Variants in FOXK1 observed in about 807,000 individuals in gnomAD.
FOXK1 encodes forkhead box K1, also known as forkhead box protein K1.
In FOXK1, 19 loss-of-function variants were observed where a neutral mutation model predicts 51.9. The ratio of observed to expected loss-of-function variants is 0.37; its 90% CI spans 0.26 to 0.54. The LOEUF is 0.54. FOXK1 is among the 20% of genes least tolerant of loss of function. The pLI, the probability that FOXK1 is intolerant of heterozygous loss-of-function variation, is 0.87. For missense variants in FOXK1, 870 were observed against 1,032.7 expected (o/e 0.84, Z 2.16); for synonymous variants, 537 against 482.6 (o/e 1.11, Z -1.48).
chr7:4,749,338 C>G lies in FOXK1; in HGVS notation c.747-5121C>G, dbSNP rs756813285. 2.6e-5 allele frequency among the ~76,000 whole-genome samples: 4 copies of G among 152,292 alleles called. No homozygotes were observed. Among genetic ancestry groups the G allele is most frequent in the Middle Eastern group, 3.4e-3 (1 of 294 alleles). Reference sequence around the variant, plus strand: ...ATGTTCCACCTGGTAGAAGCTTCCTCAAACCACAGATGTGCCTTGGCCGGC... The same window carrying G: ...ATGTTCCACCTGGTAGAAGCTTCCTGAAACCACAGATGTGCCTTGGCCGGC... On this transcript the variant is annotated intron_variant, in intron 2 of 8. Transcript: ENST00000328914. This position sits in a 1 kb window ranked among gnomAD's most constrained non-coding sequence, Gnocchi z 6.0.
Position 4,759,157 on chromosome 7 carries a change from C to T in FOXK1, c.1351C>T (p.Pro451Ser), listed in dbSNP as rs375956939. ...SREGSPIPHD[P>S]EFGSKLASVP... ...GGAGGGCTCCCCCATTCCACACGACCCTGAGTTTGGGTCCAAGTTAGCTTC... is the reference window on the plus strand; with the variant it reads ...GGAGGGCTCCCCCATTCCACACGACTCTGAGTTTGGGTCCAAGTTAGCTTC... The change falls in exon 6 of 9, where the codon CCT becomes TCT. Residue 451 changes from proline to serine, a missense_variant. Around this residue, in one of 3 missense-constraint regions of FOXK1, gnomAD observed 457 missense variants for 510.8 expected, o/e 0.89. Coordinates refer to ENST00000328914, the MANE Select transcript of FOXK1 (RefSeq NM_001037165.2). 28 of 1,612,752 alleles carry T rather than the reference C, an allele frequency of 1.7e-5. No homozygotes were observed. The highest frequency in any genetic ancestry group is 2.4e-5 in the Non-Finnish European group (28 of 1,179,902).
At chr7:4,705,548 T>TCG (rs879336654) in intron 1 of FOXK1, among the ~76,000 whole-genome samples, 1,452 of 140,084 alleles carry the variant, frequency 0.01, 7 homozygotes, top group South Asian at 0.021. Flanking sequence ...TCTCTCTCTC[T>TCG]CTCTCTCTCT....
chr7:4,722,867 G>C lies in FOXK1; in HGVS notation c.561-17971G>C, dbSNP rs890986139. ...CTCTCTCGTTTGGGCTCCGGTTCCC[G>C]CAGAATTGGCATCCAGGTGAGGTGC... On this transcript the variant is annotated intron_variant, in intron 1 of 8. Coordinates refer to ENST00000328914, the MANE Select transcript of FOXK1 (RefSeq NM_001037165.2). This position sits in a 1 kb window ranked among gnomAD's most constrained non-coding sequence, Gnocchi z 5.1. 1.3e-5 allele frequency among the ~76,000 whole-genome samples: 2 copies of C among 152,076 alleles called. No individual in the cohort carries two copies. Among genetic ancestry groups the C allele is most frequent in the Non-Finnish European group, 2.9e-5 (2 of 68,014 alleles).
chr7:4,694,045 A>G (rs1393276308), intron 1 of FOXK1, among the ~76,000 whole-genome samples: 1 of 151,404 alleles, frequency 6.6e-6, no homozygotes, highest in Non-Finnish European at 1.5e-5. Context: ...ATGCCTGGCT[A>G]ATTTTCTTTT....
intron 1 of FOXK1, among the ~76,000 whole-genome samples, chr7:4,713,170 A>T (rs1780195136): frequency 6.6e-6 from 1 of 152,206 alleles, no homozygotes; most frequent in South Asian, 2.1e-4. Flanking sequence ...TTACATTTTG[A>T]AATAGTCAAC....
At chr7:4,692,709 CG>C (rs1779908124) in intron 1 of FOXK1, among the ~76,000 whole-genome samples, 1 of 151,990 alleles carries the variant, frequency 6.6e-6, no homozygotes, top group South Asian at 2.1e-4. Flanking sequence ...CCACCGCACC[CG>C]GCTGGGTAGT....
At chr7:4,746,287 GT>G (rs1780701124) in intron 2 of FOXK1, among the ~76,000 whole-genome samples, 1 of 152,188 alleles carries the variant, frequency 6.6e-6, no homozygotes, top group Non-Finnish European at 1.5e-5. Flanking sequence ...CTTGGTTTAT[GT>G]TGTTTTGTAA....
At chr7:4,744,241 G>A (rs553185530) in intron 2 of FOXK1, among the ~76,000 whole-genome samples, 7 of 152,246 alleles carry the variant, frequency 4.6e-5, no homozygotes, top group South Asian at 2.1e-4. Flanking sequence ...TTTAAATTAC[G>A]GCAGGGAAAA....
chr7:4,766,853 G>C lies in FOXK1; in HGVS notation c.*4389G>C, dbSNP rs114220527. On this transcript the variant is annotated 3_prime_UTR_variant, in exon 9 of 9. Coordinates refer to ENST00000328914, the MANE Select transcript of FOXK1 (RefSeq NM_001037165.2). The surrounding 1 kb of genome is among the most constrained non-coding windows in gnomAD (Gnocchi z 5.5). ...GAGCTGGGACTCTCCAGAAAGCCCC[G>C]GGTGAGGGCTCCGTCTTGAGAGAGA... 1 of 152,290 alleles carries C rather than the reference G, an allele frequency of 6.6e-6. No individual in the cohort carries two copies. The highest frequency in any genetic ancestry group is 2.4e-5 in the African/African-American group (1 of 41,524). 9.4% of individuals were successfully genotyped at this position (152,290 alleles called of 1,614,324 possible). A position where few individuals can be genotyped will look rare whatever the true frequency, so the allele number is the denominator to read the frequency against.
rs1321694904 is a variant in FOXK1, at chr7:4,755,664, G to C, written c.1050+281G>C. Among the ~76,000 whole-genome samples the C allele has an allele frequency of 6.6e-6, 1 of 152,214 alleles. No individual in the cohort carries two copies. The highest frequency in any genetic ancestry group is 1.5e-5 in the Non-Finnish European group (1 of 68,044). On this transcript the variant is annotated intron_variant, in intron 4 of 8. Transcript: ENST00000328914. The surrounding 1 kb of genome is among the most constrained non-coding windows in gnomAD (Gnocchi z 6.6). ...GAGGATCACTTGAGCCCAGGAGGTG[G>C]AGGCTGCAGTGAGCTATGATCACAC...
chr7:4,702,969 G>A (rs559395543), intron 1 of FOXK1, among the ~76,000 whole-genome samples: 17 of 152,232 alleles, frequency 1.1e-4, no homozygotes, highest in Admixed American at 2.6e-4. Context: ...CCAGGGCTGC[G>A]TGTCCTGCTC....
In FOXK1 at chr7:4,682,935, C is replaced by T. The variant is rs1779771010; in HGVS notation, c.560+67C>T. The T allele has an allele frequency of 1.5e-6, 2 of 1,372,238 alleles. No homozygotes were observed. Among genetic ancestry groups the T allele is most frequent in the African/African-American group, 1.5e-5 (1 of 66,336 alleles). 85.0% of individuals were successfully genotyped at this position (1,372,238 alleles called of 1,614,324 possible). On this transcript the variant is annotated intron_variant, in intron 1 of 8. Transcript: ENST00000328914. The surrounding 1 kb of genome is among the most constrained non-coding windows in gnomAD (Gnocchi z 7.6). ...GCCCACGACCTCGATCTCTGAGGCC[C>T]GGGCCTGGGGATCCCCCTCCAGCTT... is the stretch of plus-strand genomic sequence containing the variant.
rs1200964768 is a variant in FOXK1 at position 4,698,662 on chromosome 7, C to T, written c.560+15794C>T. The stretch of plus-strand genomic sequence containing the variant: ...CGACCTCCCAGGCTCAAGTGATCCT[C>T]CCACCTCAGCCTCCTGAGTGGCTGG... On this transcript the variant is annotated intron_variant, in intron 1 of 8. Transcript: ENST00000328914. Among the ~76,000 whole-genome samples, 4 of 152,264 alleles carry T rather than the reference C, an allele frequency of 2.6e-5. No individual in the cohort carries two copies. The East Asian group carries it at 7.7e-4, about 29-fold the overall frequency.
chr7:4,716,120 C>G (rs537368084), intron 1 of FOXK1, among the ~76,000 whole-genome samples: 17 of 151,814 alleles, frequency 1.1e-4, no homozygotes, highest in African/African-American at 4.1e-4. Flanking sequence ...ACCTGGGAGG[C>G]TGAGGCAGGA....
Position 4,754,062 on chromosome 7 carries a change from C to T in FOXK1, c.747-397C>T, listed in dbSNP as rs150652477. Among the ~76,000 whole-genome samples the T allele has an allele frequency of 1.1e-3, 170 of 152,316 alleles. 2 individuals carry two copies. The highest frequency in any genetic ancestry group is 0.011 in the Admixed American group (164 of 15,300). ...GGGCCCGAGCCTTTTCCCACAGCGCCGCCTTGTGGACACCTGTGCAGGAGC... is the reference window on the plus strand; with the variant it reads ...GGGCCCGAGCCTTTTCCCACAGCGCTGCCTTGTGGACACCTGTGCAGGAGC... On this transcript the variant is annotated intron_variant, in intron 2 of 8. Transcript: ENST00000328914.
At position 4,761,253 on chromosome 7, in the gene FOXK1, C is replaced by A. The variant is rs370145399; in HGVS notation, c.1886C>A (p.Ala629Glu). 6.2e-7 allele frequency: 1 copy of A among 1,612,958 alleles called. No homozygotes were observed. The highest frequency in any genetic ancestry group is 8.5e-7 in the Non-Finnish European group (1 of 1,180,016). Reference sequence around the variant, plus strand: ...GCCGTGACCCAGAACGGAAAGCATGCGGTTCCCACGAACAGTTTAGCCGGC... The same window carrying A: ...GCCGTGACCCAGAACGGAAAGCATGAGGTTCCCACGAACAGTTTAGCCGGC... ...VRAVTQNGKHAVPTNSLAGNA... is the reference protein window; with the variant it reads ...VRAVTQNGKHEVPTNSLAGNA... The change falls in exon 8 of 9, where the codon GCG becomes GAG. Residue 629 changes from alanine (A) to glutamate (E), a missense_variant. By Grantham distance (107) the Ala-to-Glu change is moderately radical. Transcript: ENST00000328914. The surrounding 1 kb of genome is among the most constrained non-coding windows in gnomAD (Gnocchi z 6.2).
Position 4,730,994 on chromosome 7 carries a change from CT to C in FOXK1, c.561-9843del, listed in dbSNP as rs1780469221. On this transcript the variant is annotated intron_variant, in intron 1 of 8. Transcript: ENST00000328914. This position sits in a 1 kb window ranked among gnomAD's most constrained non-coding sequence, Gnocchi z 4.7. ...CTAGCCTGGGCAACATAACAAGACC[CT>C]GTCTCTACAAAAAATCAAAACCATT... Among the ~76,000 whole-genome samples, 1 of 152,060 alleles carries C rather than the reference CT, an allele frequency of 6.6e-6. No homozygotes were observed. Among genetic ancestry groups the C allele is most frequent in the Non-Finnish European group, 1.5e-5 (1 of 68,006 alleles).
intron 2 of FOXK1, among the ~76,000 whole-genome samples, chr7:4,750,299 G>T (rs1049584135): frequency 1.1e-4 from 17 of 152,164 alleles, no homozygotes; most frequent in Non-Finnish European, 2.4e-4. Flanking sequence ...GAGGCCTGGG[G>T]TACTTACCCC....
intron 1 of FOXK1, among the ~76,000 whole-genome samples, chr7:4,714,195 G>A (rs943511321): frequency 3.9e-5 from 6 of 152,116 alleles, no homozygotes; most frequent in African/African-American, 1.4e-4. Flanking sequence ...AAACTGGCCC[G>A]TAACTCCCAA....
Sources: gnomAD v4.1 joint callset for allele counts (sites outside exome capture counted in the v4.1 genomes callset) on GRCh38, gnomAD v4.1.1 for gene constraint, gnomAD v4.1.1 regional missense constraint, Gnocchi (gnomAD v3.1) non-coding constraint, MANE v1.5 for transcripts, NCBI Gene and HGNC (gene_info 2026-07-23, HGNC 2026-07-21) for gene names.